PNCK: variants seen among roughly 807,000 people sequenced by gnomAD.
PNCK encodes the protein pregnancy up-regulated nonubiquitous CaM kinase, also known as calcium/calmodulin-dependent protein kinase type 1B.
In PNCK, 21 loss-of-function variants were observed where a neutral mutation model predicts 28.3. The observed-to-expected ratio is 0.74, with a 90% CI of 0.53 to 1.07. The LOEUF (loss-of-function observed/expected upper bound fraction) is 1.07. Among genes scored for constraint, PNCK ranks in the 50% least tolerant of loss-of-function variants. PNCK has a pLI of 0.00. For missense variants in PNCK, 250 were observed against 298.3 expected (o/e 0.84, Z 1.19); for synonymous variants, 136 against 125.2 (o/e 1.09, Z -0.58).
At chrX:153,673,900 C>A, upstream of PNCK, 8 of 921,134 alleles carry the variant, frequency 8.7e-6, no homozygotes, top group Non-Finnish European at 1.1e-5. Flanking sequence ...CACGCAGTGG[C>A]CCAGCGCGGC....
At chrX:153,674,180 A>C, upstream of PNCK, 1 of 1,202,972 alleles carries the variant, frequency 8.3e-7, no homozygotes, top group Admixed American at 2.2e-5. Flanking sequence ...CTCCATGCCT[A>C]GCTCCAGGAC....
intron 1 of PNCK, among the ~76,000 whole-genome samples, chrX:153,683,451 GT>G (rs35149743): frequency 0.26 from 24,966 of 96,923 alleles, 4,162 homozygotes; most frequent in African/African-American, 0.6. Context: ...TGAAGGCTAG[GT>G]TTTTTTTTTG....
chrX:153,674,037 G>A, upstream of PNCK: 1 of 1,201,274 alleles, frequency 8.3e-7, no homozygotes, highest in Non-Finnish European at 1.1e-6. Context: ...CCGGCCCCAG[G>A]GCCTTTGCAC....
In PNCK at chrX:153,673,091, G is replaced by C; in HGVS notation, c.-2-13C>G. ...AGCAGCAGCATGTCTGCAGGGGCAGGGGAGAGGTGATGGGGGTCTCTCCCC... is the reference window on the plus strand; with the variant it reads ...AGCAGCAGCATGTCTGCAGGGGCAGCGGAGAGGTGATGGGGGTCTCTCCCC... On this transcript the variant is annotated splice_polypyrimidine_tract_variant and intron_variant, in intron 1 of 11. Transcript: ENST00000340888. The C allele has an allele frequency of 8.4e-7, 1 of 1,186,851 alleles. No individual in the cohort carries two copies. The highest frequency in any genetic ancestry group is 1.1e-6 in the Non-Finnish European group (1 of 879,519).
chrX:153,673,036 A>T lies in PNCK; in HGVS notation c.41T>A (p.Val14Asp). ...GCCGAGCCTCTCGCGGATCTCGTAG[A>T]CGCTGCTGATGTCCTCCGTGTGTTT... ...LKKHTEDISS[V>D]YEIRERLGSG... The change falls in exon 2 of 12, where the codon GTC (valine) becomes GAC (aspartate). Residue 14 changes from valine to aspartate, a missense_variant. Transcript: ENST00000340888. 8.3e-7 allele frequency: 1 copy of T among 1,198,126 alleles called. No individual in the cohort carries two copies. Among genetic ancestry groups the T allele is most frequent in the Non-Finnish European group, 1.1e-6 (1 of 887,170 alleles).
At chrX:153,673,206 C>G (rs1481970724) in intron 1 of PNCK, 128 bp from the exon 2 acceptor site, 3 of 1,187,167 alleles carry the variant, frequency 2.5e-6, no homozygotes, top group East Asian at 3.1e-5. Context: ...CTCCCCTCCC[C>G]CGTCCAGGTC....
rs2091271835 is a variant in PNCK at position 153,669,919 on chromosome X, G to C, written c.*219C>G. 2.9e-6 allele frequency: 1 copy of C among 339,072 alleles called. No individual in the cohort carries two copies. Among genetic ancestry groups the C allele is most frequent in the African/African-American group, 2.6e-5 (1 of 37,818 alleles). The allele number at this position is 339,072 out of a possible 1,213,427, so 27.9% of individuals were successfully genotyped here. On this transcript the variant is annotated 3_prime_UTR_variant, in exon 12 of 12. Coordinates refer to ENST00000340888, the MANE Select transcript of PNCK (RefSeq NM_001366977.1). ...GGGCGGGGGGGGCAGGGGCGGGAGA[G>C]GCAACAGGGGAGGGGAGCCACTGCC...
intron 3 of PNCK, 167 bp from the exon 4 acceptor site, chrX:153,672,367 C>T (rs948523925): frequency 2.0e-5 from 17 of 841,466 alleles, no homozygotes; most frequent in Non-Finnish European, 2.5e-5. Flanking sequence ...AGCCTGAGCC[C>T]CGGCCTTCCT....
chrX:153,680,257 T>C (rs1279297492), intron 1 of PNCK, among the ~76,000 whole-genome samples: 1 of 107,352 alleles, frequency 9.3e-6, no homozygotes, highest in East Asian at 2.9e-4. Context: ...TTTTGGGTCA[T>C]GGCGGTGGAT....
rs1169370262 is a variant in PNCK at position 153,671,631 on chromosome X, C to T, written c.456G>A (p.Lys152=). Residue 152 remains lysine, a synonymous_variant, in exon 6 of 12, where the codon AAG becomes AAA. Transcript: ENST00000340888. ...AGAGTCCAAAGTCAGAGACCATGAT[C>T]TTCGAGTCCTCAAAGGGCGTGGCAT... ...LLYATPFEDS[K]IMVSDFGLSK... 8.3e-7 allele frequency: 1 copy of T among 1,202,538 alleles called. No homozygotes were observed. The highest frequency in any genetic ancestry group is 1.1e-6 in the Non-Finnish European group (1 of 891,009).
At chrX:153,673,153 C>A in intron 1 of PNCK, 75 bp from the exon 2 acceptor site, 1 of 1,174,421 alleles carries the variant, frequency 8.5e-7, no homozygotes, top group South Asian at 1.9e-5. Context: ...CTCCTCCACC[C>A]CCTGCCAGGC....
At chrX:153,673,291 C>T in intron 1 of PNCK, 2 of 1,188,723 alleles carry the variant, frequency 1.7e-6, no homozygotes, top group Admixed American at 2.4e-5. Context: ...CAGCTGCTAT[C>T]CCACGCACCC....
chrX:153,671,377 G>C lies in PNCK; in HGVS notation c.539-17C>G, dbSNP rs150107065. The stretch of plus-strand genomic sequence containing the variant: ...GCTCTGGGGCTGGGGGCCAGAGACA[G>C]ACAGACGCACGCACAGGCACACACG... On this transcript the variant is annotated splice_polypyrimidine_tract_variant and intron_variant, in intron 6 of 11. Transcript: ENST00000340888. 8.3e-7 allele frequency: 1 copy of C among 1,210,569 alleles called. No homozygotes were observed. The highest frequency in any genetic ancestry group is 1.1e-6 in the Non-Finnish European group (1 of 895,318).
chrX:153,677,869 C>T (rs1263469818), upstream of PNCK, among the ~76,000 whole-genome samples: 3 of 103,540 alleles, frequency 2.9e-5, no homozygotes, highest in Non-Finnish European at 5.8e-5. Flanking sequence ...TGTATATATA[C>T]ACTAACCCAT....
chrX:153,676,071 A>G (rs782604712), upstream of PNCK, among the ~76,000 whole-genome samples: 2 of 105,239 alleles, frequency 1.9e-5, no homozygotes, highest in Non-Finnish European at 3.9e-5. Context: ...AAAATAAATC[A>G]TAAGTTTAGA....
At chrX:153,677,384 C>T (rs782491245), upstream of PNCK, among the ~76,000 whole-genome samples, 12 of 109,952 alleles carry the variant, frequency 1.1e-4, no homozygotes, top group South Asian at 4.7e-3. Context: ...TAGAAGCAGC[C>T]GTTTTCTCTA....
intron 2 of PNCK, 22 bp from the exon 3 acceptor site, chrX:153,672,719 G>A: frequency 8.4e-7 from 1 of 1,190,010 alleles, no homozygotes; most frequent in Non-Finnish European, 1.1e-6. Context: ...GGGGCGGTGG[G>A]AGGTGGGAAG....
intron 1 of PNCK, among the ~76,000 whole-genome samples, chrX:153,686,103 T>C (rs1451086302): frequency 9.0e-6 from 1 of 111,712 alleles, no homozygotes; most frequent in Non-Finnish European, 1.9e-5. Context: ...CCCCCCACCC[T>C]TCACTTCTGT....
chrX:153,677,805 AGT>A (rs782380245), upstream of PNCK, among the ~76,000 whole-genome samples: 263 of 105,238 alleles, frequency 2.5e-3, no homozygotes, highest in Non-Finnish European at 4.0e-3. Flanking sequence ...GTGTATATAT[AGT>A]GTGTATGTAT....
Sources: allele counts gnomAD v4.1 joint callset (sites outside exome capture counted in the v4.1 genomes callset), GRCh38; gene constraint gnomAD v4.1.1; transcripts MANE v1.5; gene names NCBI Gene and HGNC (gene_info 2026-07-23, HGNC 2026-07-21).